The following NCKAP5 variants were observed in gnomAD, a reference collection of about 807,000 sequenced individuals.
NCKAP5 encodes the protein NCK associated protein 5.
In NCKAP5, 92 loss-of-function variants were observed where a neutral mutation model predicts 167.0. The ratio of observed to expected loss-of-function variants is 0.55; its 90% CI spans 0.47 to 0.66. NCKAP5 has a LOEUF of 0.66. Among genes scored for constraint, NCKAP5 ranks in the 30% least tolerant of loss-of-function variants. The probability of loss-of-function intolerance (pLI) is 0.00; values close to 1 mark genes in which losing one functional copy is unlikely to be tolerated. For missense variants in NCKAP5, 2,378 were observed against 2,315.0 expected, an observed-to-expected ratio of 1.03 and a Z score of -0.56; for synonymous variants, 891 against 877.4, an observed-to-expected ratio of 1.02 and a Z score of -0.27.
At chr2:133,238,107 T>A (rs1036875954) in intron 4 of NCKAP5, among the ~76,000 whole-genome samples, 4 of 152,188 alleles carry the variant, frequency 2.6e-5, no homozygotes, top group African/African-American at 9.7e-5. Context: ...ACTCACTTAG[T>A]CAAGTGATGG....
intron 16 of NCKAP5, among the ~76,000 whole-genome samples, chr2:132,746,101 TG>T: frequency 6.6e-6 from 1 of 152,102 alleles, no homozygotes; most frequent in African/African-American, 2.4e-5. Context: ...TATGTGAAAA[TG>T]GAAACATTTT....
At chr2:132,720,153 C>T (rs777638903) in intron 19 of NCKAP5, among the ~76,000 whole-genome samples, 7 of 152,126 alleles carry the variant, frequency 4.6e-5, no homozygotes, top group South Asian at 4.1e-4. Context: ...TGTTGTCCCC[C>T]GCACATGCCT....
intron 7 of NCKAP5, among the ~76,000 whole-genome samples, chr2:132,973,171 G>A (rs1004847260): frequency 6.6e-6 from 1 of 152,174 alleles, no homozygotes; most frequent in African/African-American, 2.4e-5. Context: ...CTCTAGGTCT[G>A]TCTGAGTCTA....
chr2:132,980,422 T>C (rs1012669403), intron 7 of NCKAP5, among the ~76,000 whole-genome samples: 3 of 152,146 alleles, frequency 2.0e-5, no homozygotes, highest in Non-Finnish European at 4.4e-5. Flanking sequence ...TTTTTTTGTT[T>C]TGTTTTGTTT....
intron 4 of NCKAP5, among the ~76,000 whole-genome samples, chr2:133,257,226 A>C (rs2088661685): frequency 6.6e-6 from 1 of 152,246 alleles, no homozygotes; most frequent in South Asian, 2.1e-4. Flanking sequence ...TTTCAAGGCC[A>C]TGTGAAGTGC....
intron 3 of NCKAP5, among the ~76,000 whole-genome samples, chr2:133,423,234 T>C (rs1689592346): frequency 6.6e-6 from 1 of 152,166 alleles, no homozygotes; most frequent in South Asian, 2.1e-4. Flanking sequence ...ACCATTCCAG[T>C]GAAAACTGAT....
chr2:133,462,036 A>AG (rs1692231464), intron 3 of NCKAP5, among the ~76,000 whole-genome samples: 5 of 152,218 alleles, frequency 3.3e-5, no homozygotes, highest in Admixed American at 3.3e-4. Flanking sequence ...ATAATTTTGC[A>AG]GGAATGTTTT....
chr2:133,500,766 C>T (rs761497759), intron 3 of NCKAP5, among the ~76,000 whole-genome samples: 15 of 152,098 alleles, frequency 9.9e-5, no homozygotes, highest in African/African-American at 2.9e-4. Flanking sequence ...CATCTTTATA[C>T]GTAAGTTTAT....
chr2:132,970,819 C>T (rs2076810569), intron 7 of NCKAP5, among the ~76,000 whole-genome samples: 2 of 152,092 alleles, frequency 1.3e-5, no homozygotes, highest in Non-Finnish European at 2.9e-5. Context: ...CAGATGACAG[C>T]CCAGGAAGCT....
At chr2:133,239,090 AC>A (rs2087558461) in intron 4 of NCKAP5, among the ~76,000 whole-genome samples, 1 of 152,256 alleles carries the variant, frequency 6.6e-6, no homozygotes, top group Non-Finnish European at 1.5e-5. Flanking sequence ...GGTTTTTCAT[AC>A]TTGCCAATCA....
intron 8 of NCKAP5, among the ~76,000 whole-genome samples, chr2:132,905,894 G>A (rs1451005424): frequency 6.6e-6 from 1 of 151,934 alleles, no homozygotes; most frequent in East Asian, 1.9e-4. Context: ...CTTCTCAATA[G>A]CCAGTTTTAT....
At chr2:132,940,793 G>GA (rs1002518157) in intron 8 of NCKAP5, among the ~76,000 whole-genome samples, 5 of 146,964 alleles carry the variant, frequency 3.4e-5, no homozygotes, top group African/African-American at 7.5e-5. Flanking sequence ...ATCCCATAAA[G>GA]AAAAAAAAAA....
chr2:133,032,563 G>A (rs943149745), intron 6 of NCKAP5, among the ~76,000 whole-genome samples: 3 of 152,154 alleles, frequency 2.0e-5, no homozygotes. Flanking sequence ...AAAAACACAG[G>A]CCTGGATGGC....
At chr2:133,181,837 A>G (rs2084752270) in intron 5 of NCKAP5, among the ~76,000 whole-genome samples, 1 of 152,098 alleles carries the variant, frequency 6.6e-6, no homozygotes, top group Non-Finnish European at 1.5e-5. Context: ...GGATTTAAAA[A>G]CATGACAGAC....
chr2:132,704,947 C>G (rs558763538), intron 19 of NCKAP5, among the ~76,000 whole-genome samples: 12 of 152,306 alleles, frequency 7.9e-5, no homozygotes, highest in African/African-American at 2.9e-4. Context: ...CTCCTCCTTT[C>G]CCAGACTATT....
intron 6 of NCKAP5, among the ~76,000 whole-genome samples, chr2:133,051,967 C>A (rs1329658327): frequency 6.6e-6 from 1 of 152,032 alleles, no homozygotes; most frequent in African/African-American, 2.4e-5. Context: ...TTTCAATAAA[C>A]CTTTACTGAC....
chr2:132,694,144 ATTTCT>A (rs1687095155), intron 19 of NCKAP5, among the ~76,000 whole-genome samples: 1 of 123,660 alleles, frequency 8.1e-6, no homozygotes, highest in Non-Finnish European at 1.7e-5. Context: ...TATTTTTTGA[ATTTCT>A]TTTCTTTATT....
rs144874567 is a variant in NCKAP5 at position 133,387,112 on chromosome 2, C to T, written c.70-84002G>A. Among the ~76,000 whole-genome samples, 335 of 152,230 alleles carry T rather than the reference C, an allele frequency of 2.2e-3. 1 individual carries two copies. Among genetic ancestry groups the T allele is most frequent in the African/African-American group, 7.7e-3 (319 of 41,536 alleles). The stretch of plus-strand genomic sequence containing the variant: ...TATGATGTTAGCTGGTTATTTTGCT[C>T]GTTAGTTGATGCGGTTTCCTCCTAA... On this transcript the variant is annotated intron_variant, in intron 3 of 19. Coordinates refer to ENST00000409261, the MANE Select transcript of NCKAP5 (RefSeq NM_207363.3).
At chr2:132,794,281 G>T (rs1220027877) in intron 12 of NCKAP5, among the ~76,000 whole-genome samples, 23 of 113,748 alleles carry the variant, frequency 2.0e-4, no homozygotes, top group Non-Finnish European at 2.9e-4. Context: ...GAGAGAGAGA[G>T]AGAGAGAGAG....
Sources: allele counts gnomAD v4.1 joint callset (sites outside exome capture counted in the v4.1 genomes callset), GRCh38; gene constraint gnomAD v4.1.1; transcripts MANE v1.5; gene names NCBI Gene and HGNC (gene_info 2026-07-23, HGNC 2026-07-21).